SNTG2: variants seen among roughly 807,000 people sequenced by gnomAD.
SNTG2 encodes the protein syntrophin gamma 2.
A neutral mutation model predicts 70.9 loss-of-function variants in SNTG2; 74 were observed. The ratio of observed to expected loss-of-function variants is 1.04; its 90% CI spans 0.86 to 1.27. SNTG2 has a LOEUF of 1.27. SNTG2 is among the 50% of genes most tolerant of loss of function. SNTG2 has a pLI of 0.00. For synonymous variants in SNTG2, 278 were observed against 273.8 expected, an observed-to-expected ratio of 1.02 and a Z score of -0.15; for missense variants, 717 against 690.7, an observed-to-expected ratio of 1.04 and a Z score of -0.43.
intron 1 of SNTG2, among the ~76,000 whole-genome samples, chr2:966,078 C>T (rs13414028): frequency 0.42 from 63,356 of 152,098 alleles, 13,723 homozygotes; most frequent in Middle Eastern, 0.51. Context: ...GGGTCCCCCG[C>T]GGAACCTGCT....
chr2:1,066,867 C>T (rs1198037432), intron 1 of SNTG2, among the ~76,000 whole-genome samples: 2 of 152,142 alleles, frequency 1.3e-5, no homozygotes, highest in Non-Finnish European at 2.9e-5. Context: ...TCAGCTTCCA[C>T]GATTACTCTC....
chr2:1,348,825 T>C (rs1029235027), intron 16 of SNTG2, among the ~76,000 whole-genome samples: 42 of 152,240 alleles, frequency 2.8e-4, no homozygotes, highest in African/African-American at 9.9e-4. Context: ...GTTGTACAGT[T>C]GAACAGAAAT....
At chr2:987,946 C>T (rs115188027) in intron 1 of SNTG2, among the ~76,000 whole-genome samples, 1 of 152,154 alleles carries the variant, frequency 6.6e-6, no homozygotes, top group Non-Finnish European at 1.5e-5. Flanking sequence ...AGGATGACAC[C>T]CCACGTGGGC....
intron 1 of SNTG2, among the ~76,000 whole-genome samples, chr2:1,082,402 G>A (rs1025542569): frequency 6.6e-6 from 1 of 152,178 alleles, no homozygotes; most frequent in Non-Finnish European, 1.5e-5. Context: ...GGTTCTCACA[G>A]CAGCTGAGTT....
intron 1 of SNTG2, among the ~76,000 whole-genome samples, chr2:971,527 T>C (rs1487878196): frequency 6.6e-6 from 1 of 152,068 alleles, no homozygotes; most frequent in Non-Finnish European, 1.5e-5. Context: ...TGATTGTTTT[T>C]ATTTAGATCT....
chr2:1,228,741 G>T (rs1675973426), intron 9 of SNTG2, among the ~76,000 whole-genome samples: 1 of 152,212 alleles, frequency 6.6e-6, no homozygotes, highest in Non-Finnish European at 1.5e-5. Flanking sequence ...GCAGGCTACT[G>T]TGTCCAGAAT....
chr2:1,146,584 A>C (rs2147791345), intron 6 of SNTG2, among the ~76,000 whole-genome samples: 1 of 152,334 alleles, frequency 6.6e-6, no homozygotes, highest in East Asian at 1.9e-4. Flanking sequence ...AGACTAGAAT[A>C]GCCAATGCAG....
At chr2:979,642 A>G (rs965485809) in intron 1 of SNTG2, among the ~76,000 whole-genome samples, 2 of 152,046 alleles carry the variant, frequency 1.3e-5, no homozygotes, top group Admixed American at 1.3e-4. Context: ...AAGTTGCTTC[A>G]TTGTCTCTGG....
chr2:1,117,901 CT>C (rs1553332144), intron 4 of SNTG2, among the ~76,000 whole-genome samples: 1 of 152,198 alleles, frequency 6.6e-6, no homozygotes, highest in Non-Finnish European at 1.5e-5. Flanking sequence ...CTGCTGTGCC[CT>C]GTTGGTTTTG....
chr2:1,331,703 T>A (rs775470298), intron 16 of SNTG2, among the ~76,000 whole-genome samples: 3 of 152,196 alleles, frequency 2.0e-5, no homozygotes, highest in Non-Finnish European at 2.9e-5. Flanking sequence ...CACTTGATAG[T>A]GTGTGGCCTC....
At chr2:1,230,467 AT>A (rs1676142122) in intron 9 of SNTG2, among the ~76,000 whole-genome samples, 1 of 152,140 alleles carries the variant, frequency 6.6e-6, no homozygotes, top group African/African-American at 2.4e-5. Flanking sequence ...GCGAAGTCCC[AT>A]TGTGATCACA....
intron 1 of SNTG2, among the ~76,000 whole-genome samples, chr2:1,036,071 C>T (rs181198235): frequency 2.6e-5 from 4 of 152,236 alleles, no homozygotes; most frequent in Non-Finnish European, 5.9e-5. Flanking sequence ...TGTTAATAGG[C>T]TCATAAGATT....
At chr2:1,176,118 G>A (rs1476654520) in intron 8 of SNTG2, among the ~76,000 whole-genome samples, 1 of 152,182 alleles carries the variant, frequency 6.6e-6, no homozygotes, top group Non-Finnish European at 1.5e-5. Context: ...GCAAGAGAAA[G>A]AGAAAAAGAA....
intron 14 of SNTG2, among the ~76,000 whole-genome samples, chr2:1,269,085 A>G (rs530461604): frequency 1.3e-5 from 2 of 152,276 alleles, no homozygotes; most frequent in African/African-American, 4.8e-5. Context: ...TTCATCTAGT[A>G]CCCAGATGTA....
At chr2:998,866 A>G (rs1435233090) in intron 1 of SNTG2, among the ~76,000 whole-genome samples, 1 of 152,130 alleles carries the variant, frequency 6.6e-6, no homozygotes, top group Non-Finnish European at 1.5e-5. Context: ...GTGAAGAAAA[A>G]AACTTTGAAT....
chr2:1,106,653 G>A (rs1196514264), intron 4 of SNTG2, among the ~76,000 whole-genome samples: 4 of 137,540 alleles, frequency 2.9e-5, no homozygotes, highest in African/African-American at 5.7e-5. Context: ...GACACACGCT[G>A]TCACTCGGGT....
intron 1 of SNTG2, among the ~76,000 whole-genome samples, chr2:1,040,927 T>C (rs1215528048): frequency 6.6e-6 from 1 of 152,216 alleles, no homozygotes; most frequent in Non-Finnish European, 1.5e-5. Context: ...TTCAGTTTGC[T>C]TTTTCTGTCC....
chr2:1,248,449 A>G (rs539683423), intron 12 of SNTG2, among the ~76,000 whole-genome samples: 9 of 152,324 alleles, frequency 5.9e-5, no homozygotes, highest in South Asian at 2.1e-4. Context: ...TGCCCCAGAG[A>G]TAACATAGGA....
chr2:1,156,964 C>T (rs1011053064), intron 6 of SNTG2, among the ~76,000 whole-genome samples: 1 of 152,132 alleles, frequency 6.6e-6, no homozygotes, highest in Non-Finnish European at 1.5e-5. Flanking sequence ...ATCTTAAACT[C>T]CTTCCCTGGT....
Sources: allele counts gnomAD v4.1 joint callset (sites outside exome capture counted in the v4.1 genomes callset), GRCh38; gene constraint gnomAD v4.1.1; transcripts MANE v1.5; gene names NCBI Gene and HGNC (gene_info 2026-07-23, HGNC 2026-07-21).